NOS1AP: variants seen among roughly 807,000 people sequenced by gnomAD.
The protein encoded by NOS1AP is nitric oxide synthase 1 adaptor protein.
A neutral mutation model predicts 56.2 loss-of-function variants in NOS1AP; 21 were observed. The ratio of observed to expected loss-of-function variants is 0.37; its 90% CI spans 0.26 to 0.54. The LOEUF is 0.54. NOS1AP is among the 20% of genes least tolerant of loss of function. The probability of loss-of-function intolerance (pLI) is 0.84; values close to 1 mark genes in which losing one functional copy is unlikely to be tolerated. For synonymous variants in NOS1AP, 270 were observed against 274.6 expected, an observed-to-expected ratio of 0.98 and a Z score of 0.17; for missense variants, 522 against 657.8, an observed-to-expected ratio of 0.79 and a Z score of 2.26.
intron 2 of NOS1AP, among the ~76,000 whole-genome samples, chr1:162,285,969 G>A (rs559434088): frequency 6.6e-6 from 1 of 152,334 alleles, no homozygotes; most frequent in South Asian, 2.1e-4. Flanking sequence ...TCCTATTCTT[G>A]TAGAGACAAG....
At chr1:162,081,777 T>TTA (rs1306287639) in intron 1 of NOS1AP, among the ~76,000 whole-genome samples, 2 of 124,558 alleles carry the variant, frequency 1.6e-5, no homozygotes, top group Non-Finnish European at 3.5e-5. Flanking sequence ...TATATATATT[T>TTA]TTTTTTTGTA....
chr1:162,332,689 C>T (rs1656810980), intron 4 of NOS1AP, among the ~76,000 whole-genome samples: 1 of 152,194 alleles, frequency 6.6e-6, no homozygotes. Context: ...AGGTTTGTTG[C>T]TCTGATAAGG....
intron 1 of NOS1AP, among the ~76,000 whole-genome samples, chr1:162,122,189 G>A (rs1201420577): frequency 6.6e-6 from 1 of 152,208 alleles, no homozygotes; most frequent in Non-Finnish European, 1.5e-5. Context: ...GTGATCTGTT[G>A]TTGAGGGAAA....
At chr1:162,205,864 T>C (rs1278752910) in intron 2 of NOS1AP, among the ~76,000 whole-genome samples, 1 of 152,164 alleles carries the variant, frequency 6.6e-6, no homozygotes, top group East Asian at 1.9e-4. Context: ...ACATTTGCTA[T>C]CTGGCCTTAC....
intron 2 of NOS1AP, among the ~76,000 whole-genome samples, chr1:162,269,677 T>TTTGA (rs1571177697): frequency 6.6e-6 from 1 of 152,348 alleles, no homozygotes; most frequent in East Asian, 1.9e-4. Flanking sequence ...TAGAAGATCC[T>TTTGA]TTGATTTGGG....
At chr1:162,260,990 G>A (rs1446750652) in intron 2 of NOS1AP, among the ~76,000 whole-genome samples, 1 of 142,882 alleles carries the variant, frequency 7.0e-6, no homozygotes, top group Admixed American at 7.3e-5. Context: ...TATTTCATTA[G>A]AATTTGTTAT....
chr1:162,147,063 C>G (rs1649493197), intron 1 of NOS1AP, among the ~76,000 whole-genome samples: 1 of 152,136 alleles, frequency 6.6e-6, no homozygotes, highest in Non-Finnish European at 1.5e-5. Flanking sequence ...GGCGCGGTGG[C>G]TCATGCCTGT....
intron 1 of NOS1AP, among the ~76,000 whole-genome samples, chr1:162,095,611 AT>A (rs1270751450): frequency 2.0e-5 from 3 of 152,204 alleles, no homozygotes; most frequent in African/African-American, 7.2e-5. Flanking sequence ...CTACCTGTGT[AT>A]TAAGTTCTGT....
At chr1:162,358,412 TG>T (rs1179469867) in intron 8 of NOS1AP, among the ~76,000 whole-genome samples, 1 of 152,210 alleles carries the variant, frequency 6.6e-6, no homozygotes, top group Non-Finnish European at 1.5e-5. Flanking sequence ...GTAGAGTCAA[TG>T]GGACACAGCT....
chr1:162,211,794 A>G (rs1407864218), intron 2 of NOS1AP, among the ~76,000 whole-genome samples: 3 of 152,138 alleles, frequency 2.0e-5, no homozygotes, highest in African/African-American at 2.4e-5. Flanking sequence ...GGAAACTGAC[A>G]AGGGTCCAGG....
intron 1 of NOS1AP, among the ~76,000 whole-genome samples, chr1:162,091,738 A>C (rs981962587): frequency 6.6e-6 from 1 of 152,220 alleles, no homozygotes; most frequent in Admixed American, 6.5e-5. Context: ...GACAGAGATC[A>C]CAAGTTTCCT....
chr1:162,222,863 T>C (rs1652826402), intron 2 of NOS1AP, among the ~76,000 whole-genome samples: 1 of 152,150 alleles, frequency 6.6e-6, no homozygotes, highest in Non-Finnish European at 1.5e-5. Flanking sequence ...CCTTGTGGGG[T>C]GAGGTTAAGA....
At chr1:162,235,989 G>T (rs767817720) in intron 2 of NOS1AP, among the ~76,000 whole-genome samples, 3 of 152,224 alleles carry the variant, frequency 2.0e-5, no homozygotes, top group Admixed American at 1.3e-4. Context: ...CCAAGAGTTT[G>T]TTAGGAGCAC....
At chr1:162,115,207 G>A (rs1438825087) in intron 1 of NOS1AP, among the ~76,000 whole-genome samples, 1 of 152,122 alleles carries the variant, frequency 6.6e-6, no homozygotes, top group Non-Finnish European at 1.5e-5. Flanking sequence ...TAGAGGGAGA[G>A]GAAGGAAACT....
intron 2 of NOS1AP, among the ~76,000 whole-genome samples, chr1:162,242,318 C>T (rs555559501): frequency 2.6e-5 from 4 of 152,284 alleles, no homozygotes; most frequent in African/African-American, 4.8e-5. Flanking sequence ...TGCATGCAGC[C>T]AACAGAATGC....
chr1:162,276,732 T>C (rs1252143721), intron 2 of NOS1AP, among the ~76,000 whole-genome samples: 1 of 152,192 alleles, frequency 6.6e-6, no homozygotes, highest in Non-Finnish European at 1.5e-5. Flanking sequence ...TTATTATGCC[T>C]TGAAAGAAGT....
chr1:162,134,005 T>G (rs918052687), intron 1 of NOS1AP, among the ~76,000 whole-genome samples: 2 of 152,118 alleles, frequency 1.3e-5, no homozygotes, highest in African/African-American at 2.4e-5. Context: ...AAGAGAAGAC[T>G]TTCCAAAAAA....
intron 1 of NOS1AP, among the ~76,000 whole-genome samples, chr1:162,106,021 C>G (rs189859291): frequency 6.6e-6 from 1 of 152,306 alleles, no homozygotes; most frequent in East Asian, 1.9e-4. Context: ...ATGCAAAACT[C>G]CTGGGTCTCT....
In NOS1AP at chr1:162,102,674, G is replaced by A. The variant is rs529389800; in HGVS notation, c.105+32392G>A. On this transcript the variant is annotated intron_variant, in intron 1 of 9. Transcript: ENST00000361897. Reference sequence around the variant, plus strand: ...CTGGTTCAGTCTTGGGAGGATATATGTGTCCAGGAATTTATCAATTTCCTC... The same window carrying A: ...CTGGTTCAGTCTTGGGAGGATATATATGTCCAGGAATTTATCAATTTCCTC... 9.3e-4 allele frequency among the ~76,000 whole-genome samples: 141 copies of A among 152,230 alleles called. 1 individual carries two copies. Among genetic ancestry groups the A allele is most frequent in the African/African-American group, 3.3e-3 (138 of 41,542 alleles).
Sources: allele counts gnomAD v4.1 joint callset (sites outside exome capture counted in the v4.1 genomes callset), GRCh38; gene constraint gnomAD v4.1.1; transcripts MANE v1.5; gene names NCBI Gene and HGNC (gene_info 2026-07-23, HGNC 2026-07-21).